Variants in ZNF786 observed in about 807,000 individuals in gnomAD.
The protein encoded by ZNF786 is zinc finger protein 786.
Under a neutral mutation model 63.1 loss-of-function variants are expected in ZNF786, and 56 were observed. The observed-to-expected ratio is 0.89, with a 90% CI of 0.72 to 1.11. The LOEUF is 1.11. Among genes scored for constraint, ZNF786 ranks in the 50% least tolerant of loss-of-function variants. The pLI is 0.00. For missense variants in ZNF786, 1,213 were observed against 1,041.8 expected (o/e 1.16, Z -2.26); for synonymous variants, 485 against 406.9 (o/e 1.19, Z -2.31).
rs759985260 is a variant in ZNF786, at chr7:149,072,228, A to C, written c.544T>G (p.Trp182Gly). 1.1e-5 allele frequency: 18 copies of C among 1,613,424 alleles called. No homozygotes were observed. The highest frequency in any genetic ancestry group is 1.5e-5 in the Non-Finnish European group (18 of 1,179,776). The change falls in exon 4 of 4, where the codon TGG becomes GGG. Residue 182 changes from tryptophan (W) to glycine (G), a missense_variant. By Grantham distance (184) the Trp-to-Gly change is radical. Coordinates refer to ENST00000491431, the MANE Select transcript of ZNF786 (RefSeq NM_152411.4). ...GGCCAAGGGTGCTGGGTGCTCTCCC[A>C]GGCGGGGACGTCCCACAAACCAGGA... Reference protein sequence around the residue: ...DLPGLWDVPAWESTQHPWPVC... With the variant: ...DLPGLWDVPAGESTQHPWPVC...
rs777006177 is a variant in ZNF786 at position 149,071,664 on chromosome 7, A to T, written c.1108T>A (p.Ser370Thr). ...GAGCGCTCGCCACACTCCGAGCAGG[A>T]GCAGGGCCCCTCTGCGCCATGCTGC... ...ALQHGAEGPC[S>T]CSECGERSPM... The change falls in exon 4 of 4, where the codon TCC (serine) becomes ACC (threonine). Residue 370 changes from serine to threonine, a missense_variant. Ser to Thr is a moderately conservative substitution (Grantham distance 58). Coordinates refer to ENST00000491431, the MANE Select transcript of ZNF786 (RefSeq NM_152411.4). 6.4e-6 allele frequency: 10 copies of T among 1,568,570 alleles called. No individual in the cohort carries two copies. The highest frequency in any genetic ancestry group is 8.6e-6 in the Non-Finnish European group (10 of 1,162,846).
intron 1 of ZNF786, among the ~76,000 whole-genome samples, chr7:149,086,505 G>A (rs1029319232): frequency 3.3e-5 from 5 of 152,170 alleles, no homozygotes; most frequent in African/African-American, 7.2e-5. Flanking sequence ...GCAGGGGCCT[G>A]TAATCCCGGC....
Position 149,071,832 on chromosome 7 carries a change from G to C in ZNF786, c.940C>G (p.Arg314Gly). 1.9e-6 allele frequency: 3 copies of C among 1,592,270 alleles called. No individual in the cohort carries two copies. The highest frequency in any genetic ancestry group is 2.6e-6 in the Non-Finnish European group (3 of 1,173,820). ...CCCTCCCGGCTGTGCTGGCACCGGC[G>C]AGCCTGCGTGCTGTCCACTGGGAGG... is the stretch of plus-strand genomic sequence containing the variant. ...RSLPVDSTQARRCQHSREGPA... is the reference protein window; with the variant it reads ...RSLPVDSTQAGRCQHSREGPA... The change falls in exon 4 of 4, where the codon CGC becomes GGC. Residue 314 changes from arginine (R) to glycine (G), a missense_variant. Transcript: ENST00000491431.
intron 2 of ZNF786, among the ~76,000 whole-genome samples, chr7:149,076,417 T>C (rs950853959): frequency 2.7e-5 from 4 of 148,564 alleles, no homozygotes; most frequent in Admixed American, 6.7e-5. Flanking sequence ...GCCCGGCCTA[T>C]ATTGCTGGTT....
chr7:149,078,738 T>G lies in ZNF786; in HGVS notation c.145+1853A>C, dbSNP rs137892515. 2.3e-3 allele frequency among the ~76,000 whole-genome samples: 343 copies of G among 152,134 alleles called. 1 individual carries two copies. The highest frequency in any genetic ancestry group is 7.8e-3 in the African/African-American group (323 of 41,532). ...GAACAGAATATAAATATTAGAAACT[T>G]TGCAATATAAAGGAAGTGGTATGGC... On this transcript the variant is annotated intron_variant, in intron 2 of 3. Coordinates refer to ENST00000491431, the MANE Select transcript of ZNF786 (RefSeq NM_152411.4).
rs1169577359 is a variant in ZNF786, at chr7:149,083,421, T to C, written c.19-2704A>G. 2.0e-5 allele frequency among the ~76,000 whole-genome samples: 3 copies of C among 152,120 alleles called. No homozygotes were observed. In the East Asian group the frequency reaches 5.8e-4, roughly 29 times the overall value. ...TAGTAGAGACAGGGTTTTGGCACAT[T>C]AGCCAGGCTGGTCTCGAACTTCTGA... On this transcript the variant is annotated intron_variant, in intron 1 of 3. Coordinates refer to ENST00000491431, the MANE Select transcript of ZNF786 (RefSeq NM_152411.4).
chr7:149,080,080 G>A (rs1225642793), intron 2 of ZNF786, among the ~76,000 whole-genome samples: 3 of 151,998 alleles, frequency 2.0e-5, no homozygotes, highest in African/African-American at 7.2e-5. Context: ...GCTGAGGCAG[G>A]AGAACTGCTT....
intron 1 of ZNF786, among the ~76,000 whole-genome samples, chr7:149,087,398 C>T (rs1262865949): frequency 6.6e-6 from 1 of 152,154 alleles, no homozygotes; most frequent in Non-Finnish European, 1.5e-5. Context: ...ATTTTGTCCC[C>T]TGGCAACATT....
chr7:149,073,753 A>ATATATG (rs1563137496), intron 3 of ZNF786, among the ~76,000 whole-genome samples: 10 of 66,426 alleles, frequency 1.5e-4, no homozygotes, highest in African/African-American at 4.3e-4. Flanking sequence ...GTGTGTATAT[A>ATATATG]TATATATATA....
At chr7:149,073,745 G>GTATATATATA (rs1554452327) in intron 3 of ZNF786, among the ~76,000 whole-genome samples, 1 of 67,778 alleles carries the variant, frequency 1.5e-5, no homozygotes, top group African/African-American at 6.2e-5. Flanking sequence ...GTGTGTGTGT[G>GTATATATATA]TGTATATATA....
At chr7:149,090,254 A>T (rs1356551195) in intron 1 of ZNF786, among the ~76,000 whole-genome samples, 1 of 152,180 alleles carries the variant, frequency 6.6e-6, no homozygotes, top group African/African-American at 2.4e-5. Flanking sequence ...AGTTGTTCTG[A>T]TTTCGGTGAC....
Position 149,070,671 on chromosome 7 carries a change from C to CGT in ZNF786, c.2100_2101insAC (p.Glu701ThrfsTer21). On this transcript the variant is annotated frameshift_variant, in exon 4 of 4. Coordinates refer to ENST00000491431, the MANE Select transcript of ZNF786 (RefSeq NM_152411.4). LOFTEE classifies it high-confidence loss of function. ...CACTCAGGGCAGTGAAAAGGCCTCTCCCCTGTGTGCAGGCCCTGATGGCTG... is the reference window on the plus strand; with the variant it reads ...CACTCAGGGCAGTGAAAAGGCCTCTCGTCCCTGTGTGCAGGCCCTGATGGCTG... 1 of 1,613,976 alleles carries CGT rather than the reference C, an allele frequency of 6.2e-7. No individual in the cohort carries two copies. The highest frequency in any genetic ancestry group is 1.7e-5 in the Admixed American group (1 of 60,034).
At position 149,086,980 on chromosome 7, in the gene ZNF786, C is replaced by CT. The variant is rs556600130; in HGVS notation, c.18+3642dup. 1.6e-3 allele frequency among the ~76,000 whole-genome samples: 246 copies of CT among 152,108 alleles called. 1 individual carries two copies. The highest frequency in any genetic ancestry group is 2.5e-3 in the Non-Finnish European group (167 of 67,994). On this transcript the variant is annotated intron_variant, in intron 1 of 3. Coordinates refer to ENST00000491431, the MANE Select transcript of ZNF786 (RefSeq NM_152411.4). ...GTCTTGGCCTCCCAAGCAGCTGGGA[C>CT]TACAGGCGCCTGCCAACATGCTCGG...
At position 149,071,280 on chromosome 7, in the gene ZNF786, C is replaced by T; in HGVS notation, c.1492G>A (p.Ala498Thr). Reference sequence around the variant, plus strand: ...TCCCCACCGTGCCGGAGCCGGTGGGCTCTCAGCATGCTCTCCAGGCGGAAG... The same window carrying T: ...TCCCCACCGTGCCGGAGCCGGTGGGTTCTCAGCATGCTCTCCAGGCGGAAG... ...LSFRLESMLR[A>T]HRLRHGGERP... is the part of the protein sequence containing the mutation. Residue 498 changes from alanine to threonine, a missense_variant, in exon 4 of 4, where the codon GCC becomes ACC. Transcript: ENST00000491431. 8 of 1,612,930 alleles carry T rather than the reference C, an allele frequency of 5.0e-6. No homozygotes were observed. Among genetic ancestry groups the T allele is most frequent in the Non-Finnish European group, 6.8e-6 (8 of 1,179,648 alleles).
At chr7:149,082,433 G>T in intron 1 of ZNF786, 4 of 478,858 alleles carry the variant, frequency 8.4e-6, no homozygotes, top group Non-Finnish European at 8.2e-6. Flanking sequence ...ACTTCCTGAG[G>T]CTCACAACTA....
chr7:149,080,658 T>C lies in ZNF786; in HGVS notation c.78A>G (p.Leu26=), dbSNP rs1825634789. The change falls in exon 2 of 4, where the codon CTA becomes CTG. Residue 26 remains leucine (L), a synonymous_variant. Transcript: ENST00000491431. ...TGTAAAGTTCCTTCTGCCATGCCTC[T>C]AGATCCTGCCATTCTTGCTCGGAGA... is the stretch of plus-strand genomic sequence containing the variant. ...IYFSEQEWQD[L]EAWQKELYKH... is the part of the protein sequence containing the mutation. The C allele has an allele frequency of 6.2e-7, 1 of 1,612,036 alleles. No homozygotes were observed. Among genetic ancestry groups the C allele is most frequent in the Non-Finnish European group, 8.5e-7 (1 of 1,179,536 alleles).
chr7:149,080,538 C>G, intron 2 of ZNF786, 53 bp downstream of exon 2: 3 of 1,471,056 alleles, frequency 2.0e-6, no homozygotes, highest in Non-Finnish European at 2.7e-6. Context: ...GTGACTGTGA[C>G]CCCTTACAGG....
In ZNF786 at chr7:149,072,156, G is replaced by A. The variant is rs1244821072; in HGVS notation, c.616C>T (p.Gln206Ter). The A allele has an allele frequency of 6.2e-7, 1 of 1,613,022 alleles. No homozygotes were observed. The highest frequency in any genetic ancestry group is 8.5e-7 in the Non-Finnish European group (1 of 1,179,708). ...GTCCGGTCCTTTGAGTGGCCTCTCT[G>A]GTGCATTACTAAATGGTTGTTCTCC... ...CWENNHLVMH[Q>*]RGHSKDRTRR... The change falls in exon 4 of 4, where the codon CAG becomes TAG. Residue 206 changes from glutamine (Q) to a stop codon, truncating the protein, a stop_gained. Transcript: ENST00000491431. LOFTEE classifies it high-confidence loss of function.
In ZNF786 at chr7:149,071,278, G is replaced by A. The variant is rs777330515; in HGVS notation, c.1494C>T (p.Ala498=). The stretch of plus-strand genomic sequence containing the variant: ...TCTCCCCACCGTGCCGGAGCCGGTG[G>A]GCTCTCAGCATGCTCTCCAGGCGGA... ...LSFRLESMLR[A]HRLRHGGERP... is the part of the protein sequence containing the mutation. The change falls in exon 4 of 4, where the codon GCC becomes GCT. Residue 498 remains alanine, a synonymous_variant. Coordinates refer to ENST00000491431, the MANE Select transcript of ZNF786 (RefSeq NM_152411.4). The A allele has an allele frequency of 2.2e-5, 36 of 1,612,986 alleles. No individual in the cohort carries two copies. The highest frequency in any genetic ancestry group is 1.7e-4 in the Middle Eastern group (1 of 6,060).
Sources: gnomAD v4.1 joint callset for allele counts (sites outside exome capture counted in the v4.1 genomes callset) on GRCh38, gnomAD v4.1.1 for gene constraint, MANE v1.5 for transcripts, NCBI Gene and HGNC (gene_info 2026-07-23, HGNC 2026-07-21) for gene names.